Variants in HECW1 observed in about 807,000 individuals in gnomAD.
HECW1 encodes the protein E3 ubiquitin-protein ligase HECW1.
Under a neutral mutation model 182.3 loss-of-function variants are expected in HECW1, and 61 were observed. The observed-to-expected ratio is 0.33, with a 90% CI of 0.27 to 0.41. The LOEUF (loss-of-function observed/expected upper bound fraction) is 0.41. Among genes scored for constraint, HECW1 ranks in the 10% least tolerant of loss-of-function variants. The pLI is 1.00. For missense variants in HECW1, 1,739 were observed against 2,108.9 expected (o/e 0.82, Z 3.44); for synonymous variants, 859 against 832.6 (o/e 1.03, Z -0.55).
chr7:43,162,939 G>A (rs1346040089), intron 2 of HECW1: 1 of 152,198 alleles, frequency 6.6e-6, no homozygotes. Flanking sequence ...AAGAACATGA[G>A]TCTTAGAGAA....
At chr7:43,242,260 C>T (rs1004045060) in intron 2 of HECW1, among the ~76,000 whole-genome samples, 1 of 152,092 alleles carries the variant, frequency 6.6e-6, no homozygotes, top group Non-Finnish European at 1.5e-5. Context: ...AAGGTGCAGA[C>T]GAGGAGGCCG....
chr7:43,205,712 A>C (rs761717355), intron 2 of HECW1, among the ~76,000 whole-genome samples: 6 of 152,128 alleles, frequency 3.9e-5, no homozygotes, highest in Non-Finnish European at 7.3e-5. Context: ...CTGTTCAAAA[A>C]ATTTCTAATA....
At chr7:43,457,098 A>G (rs909143937) in intron 13 of HECW1, among the ~76,000 whole-genome samples, 8 of 152,230 alleles carry the variant, frequency 5.3e-5, no homozygotes, top group African/African-American at 1.4e-4. Context: ...AATTGTAAAG[A>G]TGTCATTTTG....
intron 6 of HECW1, among the ~76,000 whole-genome samples, chr7:43,364,274 C>T (rs1369230957): frequency 6.6e-6 from 1 of 152,122 alleles, no homozygotes; most frequent in African/African-American, 2.4e-5. Flanking sequence ...GTCTTGTTCC[C>T]TCTCATCTTT....
At chr7:43,434,803 T>G (rs1057324355) in intron 8 of HECW1, among the ~76,000 whole-genome samples, 5 of 152,182 alleles carry the variant, frequency 3.3e-5, no homozygotes, top group Admixed American at 1.3e-4. Context: ...CCACTAAGTT[T>G]CATAATATAT....
intron 2 of HECW1, among the ~76,000 whole-genome samples, chr7:43,165,744 A>G (rs79382842): frequency 0.022 from 3,307 of 152,266 alleles, 54 homozygotes; most frequent in Non-Finnish European, 0.031. Context: ...AAAATATGCT[A>G]TAAGCTTTAT....
rs112362678 is a variant in HECW1 at position 43,371,905 on chromosome 7, C to T, written c.555+10925C>T. 6.9e-3 allele frequency among the ~76,000 whole-genome samples: 1,053 copies of T among 152,272 alleles called. 12 individuals carry two copies. The highest frequency in any genetic ancestry group is 0.024 in the African/African-American group (1,001 of 41,552). On this transcript the variant is annotated intron_variant, in intron 6 of 29. Transcript: ENST00000395891. ...CACGGTCTCGGCTCACTGCAACCTC[C>T]TCCTCCCTGGTTCAAGTGATTCTCC...
At chr7:43,277,607 C>G (rs1164707686) in intron 3 of HECW1, among the ~76,000 whole-genome samples, 1 of 152,200 alleles carries the variant, frequency 6.6e-6, no homozygotes, top group Non-Finnish European at 1.5e-5. Context: ...CTCTCTCCCT[C>G]AGTTAGACCA....
intron 3 of HECW1, among the ~76,000 whole-genome samples, chr7:43,276,413 A>C (rs1562771619): frequency 6.6e-6 from 1 of 151,564 alleles, no homozygotes; most frequent in Non-Finnish European, 1.5e-5. Context: ...TTTCTCACAC[A>C]GTCGTTTGTA....
chr7:43,356,903 C>A (rs1815213266), intron 5 of HECW1, among the ~76,000 whole-genome samples: 1 of 152,078 alleles, frequency 6.6e-6, no homozygotes, highest in Admixed American at 6.5e-5. Flanking sequence ...AAAAAACAAT[C>A]TGATTTTTAA....
At chr7:43,134,886 T>C (rs1787355791) in intron 2 of HECW1, among the ~76,000 whole-genome samples, 1 of 152,212 alleles carries the variant, frequency 6.6e-6, no homozygotes, top group African/African-American at 2.4e-5. Flanking sequence ...TGGATTGTTT[T>C]TCTACTTGGG....
At position 43,492,184 on chromosome 7, in the gene HECW1, T is replaced by G; in HGVS notation, c.3340+4T>G. 1 of 1,578,158 alleles carries G rather than the reference T, an allele frequency of 6.3e-7. No homozygotes were observed. Among genetic ancestry groups the G allele is most frequent in the Non-Finnish European group, 8.6e-7 (1 of 1,163,160 alleles). On this transcript the variant is annotated splice_donor_region_variant and intron_variant, in intron 18 of 29. Coordinates refer to ENST00000395891, the MANE Select transcript of HECW1 (RefSeq NM_015052.5). ...CAACATGAGTCATTGCCACTGGGTATGTATCATGCTTGTTTGAGCCCCTGG... is the reference window on the plus strand; with the variant it reads ...CAACATGAGTCATTGCCACTGGGTAGGTATCATGCTTGTTTGAGCCCCTGG...
At chr7:43,336,335 A>T (rs1321650282) in intron 5 of HECW1, among the ~76,000 whole-genome samples, 2 of 151,194 alleles carry the variant, frequency 1.3e-5, no homozygotes, top group African/African-American at 4.9e-5. Flanking sequence ...CCAGCTACTT[A>T]AAAAAAAATT....
At chr7:43,369,471 T>TA (rs901837785) in intron 6 of HECW1, among the ~76,000 whole-genome samples, 27 of 152,010 alleles carry the variant, frequency 1.8e-4, no homozygotes, top group African/African-American at 6.3e-4. Flanking sequence ...TCAAAAAAAA[T>TA]AAAAAAATAA....
chr7:43,168,794 G>A (rs998440151), intron 2 of HECW1, among the ~76,000 whole-genome samples: 4 of 152,164 alleles, frequency 2.6e-5, no homozygotes, highest in South Asian at 2.1e-4. Context: ...ATAAGTATAC[G>A]CAAGGATACT....
chr7:43,407,507 C>G, intron 7 of HECW1, 55 bp from the exon 8 acceptor site: 1 of 1,327,506 alleles, frequency 7.5e-7, no homozygotes, highest in South Asian at 1.4e-5. Context: ...TTACCAAATG[C>G]CAGTCGTTAA....
intron 2 of HECW1, among the ~76,000 whole-genome samples, chr7:43,181,601 T>A (rs574007768): frequency 6.6e-6 from 1 of 150,972 alleles, no homozygotes; most frequent in African/African-American, 2.5e-5. Context: ...TGTTGAGTAT[T>A]TTTTTACATA....
intron 2 of HECW1, among the ~76,000 whole-genome samples, chr7:43,220,300 G>A (rs537190261): frequency 1.1e-4 from 17 of 152,290 alleles, no homozygotes; most frequent in East Asian, 5.8e-4. Context: ...CTCTCCCTGC[G>A]GGGTCAGGAT....
intron 3 of HECW1, among the ~76,000 whole-genome samples, chr7:43,276,146 T>C (rs1166523002): frequency 6.6e-6 from 1 of 152,164 alleles, no homozygotes; most frequent in Non-Finnish European, 1.5e-5. Flanking sequence ...GTGTAAGGGA[T>C]ATCAGAAATG....
Sources: gnomAD v4.1 joint callset for allele counts (sites outside exome capture counted in the v4.1 genomes callset) on GRCh38, gnomAD v4.1.1 for gene constraint, MANE v1.5 for transcripts, NCBI Gene and HGNC (gene_info 2026-07-23, HGNC 2026-07-21) for gene names.